PCDHGA7: variants seen among roughly 807,000 people sequenced by gnomAD.
PCDHGA7 encodes the protein protocadherin gamma subfamily A, 7.
PCDHGA7 carries 44 observed loss-of-function variants against 58.3 expected under a neutral mutation model. The observed-to-expected ratio is 0.75, with a 90% CI of 0.59 to 0.97. The LOEUF is 0.97. Among genes scored for constraint, PCDHGA7 ranks in the 50% least tolerant of loss-of-function variants. The probability of loss-of-function intolerance (pLI) is 0.00; values close to 1 mark genes in which losing one functional copy is unlikely to be tolerated. For synonymous variants in PCDHGA7, 516 were observed against 504.2 expected (o/e 1.02, Z -0.31); for missense variants, 1,266 against 1,188.7 (o/e 1.06, Z -0.96).
chr5:141,421,400 G>A (rs2096569762), intron 1 of PCDHGA7: 1 of 1,614,060 alleles, frequency 6.2e-7, no homozygotes, highest in Non-Finnish European at 8.5e-7. Context: ...CTGGAGCCCC[G>A]GGAGCTGGCG....
At chr5:141,394,923 T>G in intron 1 of PCDHGA7, 2 of 1,613,816 alleles carry the variant, frequency 1.2e-6, no homozygotes, top group Non-Finnish European at 8.5e-7. Context: ...CTCCTGTGTC[T>G]TCCTCGCCTT....
At chr5:141,466,275 A>G (rs1163982252) in intron 1 of PCDHGA7, among the ~76,000 whole-genome samples, 1 of 152,112 alleles carries the variant, frequency 6.6e-6, no homozygotes. Context: ...AGCTCAAGCA[A>G]TCTTCCCACC....
Position 141,390,134 on chromosome 5 carries a change from C to T in PCDHGA7, c.2424+4811C>T, listed in dbSNP as rs758087998. ...GCGAGGGGACTTTGCCTTATTCCTACAATCTATGTGTTGCACATACAGGAA... is the reference window on the plus strand; with the variant it reads ...GCGAGGGGACTTTGCCTTATTCCTATAATCTATGTGTTGCACATACAGGAA... On this transcript the variant is annotated intron_variant, in intron 1 of 3. Coordinates refer to ENST00000518325, the MANE Select transcript of PCDHGA7 (RefSeq NM_018920.4). The T allele has an allele frequency of 1.2e-5, 20 of 1,613,930 alleles. No homozygotes were observed. The Admixed American group carries it at 1.8e-4, about 15-fold the overall frequency.
rs151239937 is a variant in PCDHGA7, at chr5:141,485,980, G to A, written c.2425-8827G>A. 1.9e-6 allele frequency: 3 copies of A among 1,614,020 alleles called. No homozygotes were observed. The highest frequency in any genetic ancestry group is 2.5e-6 in the Non-Finnish European group (3 of 1,180,004). Reference sequence around the variant, plus strand: ...TCATCCAGCTCAATGCCTCAGACCCGGACCTGGGTCCCAGTGGTAACGTCA... The same window carrying A: ...TCATCCAGCTCAATGCCTCAGACCCAGACCTGGGTCCCAGTGGTAACGTCA... On this transcript the variant is annotated intron_variant, in intron 1 of 3. Coordinates refer to ENST00000518325, the MANE Select transcript of PCDHGA7 (RefSeq NM_018920.4). The surrounding 1 kb of genome is among the most constrained non-coding windows in gnomAD (Gnocchi z 5.7).
At chr5:141,418,128 T>C (rs1386757111) in intron 1 of PCDHGA7, 1 of 1,614,090 alleles carries the variant, frequency 6.2e-7, no homozygotes, top group South Asian at 1.1e-5. Flanking sequence ...AAGGACCGAA[T>C]AGACCGTGAG....
Position 141,491,895 on chromosome 5 carries a change from A to G in PCDHGA7, c.2425-2912A>G. On this transcript the variant is annotated intron_variant, in intron 1 of 3. Transcript: ENST00000518325. This position sits in a 1 kb window ranked among gnomAD's most constrained non-coding sequence, Gnocchi z 6.9. Reference sequence around the variant, plus strand: ...CCGATTAAGGGATGGGGCTCCGAGCACCGGGGGTGGTGGCGACTGTGGGCG... The same window carrying G: ...CCGATTAAGGGATGGGGCTCCGAGCGCCGGGGGTGGTGGCGACTGTGGGCG... 7.0e-7 allele frequency: 1 copy of G among 1,434,306 alleles called. No homozygotes were observed. The highest frequency in any genetic ancestry group is 9.2e-7 in the Non-Finnish European group (1 of 1,084,904). 88.8% of individuals were successfully genotyped at this position (1,434,306 alleles called of 1,614,324 possible). A position where few individuals can be genotyped will look rare whatever the true frequency, so the allele number is the denominator to read the frequency against.
chr5:141,470,721 AG>A (rs948288535), intron 1 of PCDHGA7, among the ~76,000 whole-genome samples: 2 of 152,098 alleles, frequency 1.3e-5, no homozygotes, highest in African/African-American at 4.8e-5. Flanking sequence ...TTTTTGAGTC[AG>A]GGTCTTGCTC....
chr5:141,419,894 C>T (rs1590201850), intron 1 of PCDHGA7: 2 of 1,613,926 alleles, frequency 1.2e-6, no homozygotes, highest in East Asian at 2.2e-5. Flanking sequence ...CAGCGACCAT[C>T]CCACACCCTC....
chr5:141,441,887 A>G, intron 1 of PCDHGA7: 1 of 344,596 alleles, frequency 2.9e-6, no homozygotes, highest in African/African-American at 2.2e-5. Context: ...CTGGTCACCA[A>G]GGTGGTGGCT....
chr5:141,440,451 A>G (rs2098179077), intron 1 of PCDHGA7: 1 of 152,230 alleles, frequency 6.6e-6, no homozygotes, highest in Non-Finnish European at 1.5e-5. Flanking sequence ...CATCTCAAAA[A>G]AAATGAACAA....
intron 1 of PCDHGA7, chr5:141,419,592 T>C (rs1561782617): frequency 6.2e-7 from 1 of 1,611,670 alleles, no homozygotes. Context: ...TTCGACACAG[T>C]GCCGCGGGCC....
At chr5:141,418,520 C>T (rs766042374) in intron 1 of PCDHGA7, 3 of 1,613,936 alleles carry the variant, frequency 1.9e-6, no homozygotes, top group Non-Finnish European at 2.5e-6. Flanking sequence ...TGGGGACCCT[C>T]CCCGAAGCGG....
intron 1 of PCDHGA7, chr5:141,403,323 C>G: frequency 6.2e-7 from 1 of 1,613,958 alleles, no homozygotes; most frequent in Non-Finnish European, 8.5e-7. Flanking sequence ...ATAGAAGTAA[C>G]TGATATTAAC....
At chr5:141,419,436 G>T (rs756968644) in intron 1 of PCDHGA7, 1 of 1,613,144 alleles carries the variant, frequency 6.2e-7, no homozygotes, top group East Asian at 2.2e-5. Context: ...GAGCAGCTGC[G>T]CACCTTCGAG....
At position 141,494,934 on chromosome 5, in the gene PCDHGA7, T is replaced by C. The variant is rs2099757666; in HGVS notation, c.2483+69T>C. On this transcript the variant is annotated intron_variant, in intron 2 of 3. Transcript: ENST00000518325. ...TTCTCAGGGATGACGTGGGAGGAGA[T>C]GGGGGAGGGCCCAGCATTTGCTACA... 5.6e-6 allele frequency: 9 copies of C among 1,612,736 alleles called. No individual in the cohort carries two copies. The South Asian group carries it at 7.7e-5, about 14-fold the overall frequency.
At chr5:141,482,901 A>T (rs192886570) in intron 1 of PCDHGA7, among the ~76,000 whole-genome samples, 2 of 152,240 alleles carry the variant, frequency 1.3e-5, no homozygotes, top group African/African-American at 4.8e-5. Flanking sequence ...GTGAAACCTC[A>T]TCTCTATTAA....
chr5:141,484,068 G>C (rs1287427208), intron 1 of PCDHGA7, among the ~76,000 whole-genome samples: 1 of 152,114 alleles, frequency 6.6e-6, no homozygotes, highest in African/African-American at 2.4e-5. Flanking sequence ...TAAGTGAAAA[G>C]CTTGCTCTTT....
At chr5:141,414,846 G>A in intron 1 of PCDHGA7, 1 of 1,614,218 alleles carries the variant, frequency 6.2e-7, no homozygotes, top group African/African-American at 1.3e-5. Flanking sequence ...TGTTTGTGCT[G>A]GACCAGAACG....
At chr5:141,398,544 G>A (rs1002395942) in intron 1 of PCDHGA7, 1 of 1,613,852 alleles carries the variant, frequency 6.2e-7, no homozygotes, top group Non-Finnish European at 8.5e-7. Flanking sequence ...ATTCCTTTGA[G>A]CTGCAAATAA....
Sources: allele counts gnomAD v4.1 joint callset (sites outside exome capture counted in the v4.1 genomes callset), GRCh38; gene constraint gnomAD v4.1.1; non-coding constraint Gnocchi (gnomAD v3.1); transcripts MANE v1.5; gene names NCBI Gene and HGNC (gene_info 2026-07-23, HGNC 2026-07-21).